The following CACNA1B variants were observed in gnomAD, a reference collection of about 807,000 sequenced individuals.
The protein encoded by CACNA1B is calcium voltage-gated channel subunit alpha1 B, also known as voltage-dependent N-type calcium channel subunit alpha-1B.
A neutral mutation model predicts 247.2 loss-of-function variants in CACNA1B; 70 were observed. That is an observed-to-expected ratio of 0.28 (90% confidence interval 0.23 to 0.35). The LOEUF (loss-of-function observed/expected upper bound fraction) is 0.35, where lower values mean the gene tolerates loss of function less well. CACNA1B is among the 10% of genes least tolerant of loss of function. The probability of loss-of-function intolerance (pLI) is 1.00; values close to 1 mark genes in which losing one functional copy is unlikely to be tolerated. For missense variants in CACNA1B, 2,367 were observed against 3,197.4 expected, an observed-to-expected ratio of 0.74 and a Z score of 6.26; for synonymous variants, 1,231 against 1,294.4, an observed-to-expected ratio of 0.95 and a Z score of 1.05.
rs989345439 is a variant in CACNA1B, at chr9:137,952,089, T to G, written c.967-185T>G. ...AGAACTCTGCCAGCAAGGGCACGTC[T>G]GCCTGTGGGTGCTGCCTGGACTCCA... On this transcript the variant is annotated intron_variant, in intron 6 of 46. Coordinates refer to ENST00000371372, the MANE Select transcript of CACNA1B (RefSeq NM_000718.4). The surrounding 1 kb of genome is among the most constrained non-coding windows in gnomAD (Gnocchi z 4.8). Among the ~76,000 whole-genome samples the G allele has an allele frequency of 6.6e-6, 1 of 152,160 alleles. No homozygotes were observed. Among genetic ancestry groups the G allele is most frequent in the African/African-American group, 2.4e-5 (1 of 41,430 alleles).
At position 137,917,579 on chromosome 9, in the gene CACNA1B, G is replaced by T; in HGVS notation, c.966+148G>T. On this transcript the variant is annotated intron_variant, in intron 6 of 46. Transcript: ENST00000371372. The surrounding 1 kb of genome is among the most constrained non-coding windows in gnomAD (Gnocchi z 5.5). ...CCTGCACCCCTAGGATGAAATGCAG[G>T]CTCTTTCCGGCAGACGCCCCACCCA... is the stretch of plus-strand genomic sequence containing the variant. 1.5e-6 allele frequency: 1 copy of T among 681,880 alleles called. No homozygotes were observed. The allele number at this position is 681,880 out of a possible 1,614,324, so 42.2% of individuals were successfully genotyped here.
intron 35 of CACNA1B, among the ~76,000 whole-genome samples, chr9:138,076,216 CCTCCGGTGAGG>C (rs1407153146): frequency 6.6e-6 from 1 of 152,182 alleles, no homozygotes; most frequent in Non-Finnish European, 1.5e-5. Context: ...AGCTTGGGAG[CCTCCGGTGAGG>C]CTCCAGGCAG....
rs888927651 is a variant in CACNA1B, at chr9:138,057,181, C to G, written c.3969-551C>G. On this transcript the variant is annotated intron_variant, in intron 26 of 46. Coordinates refer to ENST00000371372, the MANE Select transcript of CACNA1B (RefSeq NM_000718.4). The surrounding 1 kb of genome is among the most constrained non-coding windows in gnomAD (Gnocchi z 4.0). ...CTCCATCTCCTGACCTCGTGATCCG[C>G]CCGCCTCGGCCTCCCAAAGTGCTGG... Among the ~76,000 whole-genome samples, 2 of 152,148 alleles carry G rather than the reference C, an allele frequency of 1.3e-5. No homozygotes were observed. Among genetic ancestry groups the G allele is most frequent in the Non-Finnish European group, 2.9e-5 (2 of 68,018 alleles).
At chr9:138,113,924 C>G (rs111715920) in intron 40 of CACNA1B, among the ~76,000 whole-genome samples, 1 of 142,472 alleles carries the variant, frequency 7.0e-6, no homozygotes, top group Non-Finnish European at 1.5e-5. Flanking sequence ...GTGCCCAACT[C>G]CATCTTGTGG....
chr9:137,980,151 G>A (rs1339982034), intron 12 of CACNA1B, among the ~76,000 whole-genome samples: 1 of 152,190 alleles, frequency 6.6e-6, no homozygotes, highest in Non-Finnish European at 1.5e-5. Context: ...GTATTGTCTT[G>A]ATTCTTTCAG....
intron 10 of CACNA1B, among the ~76,000 whole-genome samples, chr9:137,959,272 C>T (rs553424012): frequency 2.0e-5 from 3 of 152,218 alleles, no homozygotes; most frequent in Admixed American, 6.5e-5. Flanking sequence ...AGGGTTTCAC[C>T]GTGTTGGCCT....
Position 137,955,924 on chromosome 9 carries a change from G to A in CACNA1B, c.1186+111G>A. On this transcript the variant is annotated intron_variant, in intron 8 of 46. Transcript: ENST00000371372. The surrounding 1 kb of genome is among the most constrained non-coding windows in gnomAD (Gnocchi z 6.9). ...CCCTGGCTGCTGGGTAGAGCCTGAA[G>A]GGATTTTGTAGTGAGCAGAGTGAGA... 1.3e-6 allele frequency: 1 copy of A among 750,930 alleles called. No individual in the cohort carries two copies. The highest frequency in any genetic ancestry group is 2.3e-6 in the Non-Finnish European group (1 of 431,504). 46.5% of individuals were successfully genotyped at this position (750,930 alleles called of 1,614,324 possible).
chr9:138,091,438 A>G (rs1038751178), intron 36 of CACNA1B, among the ~76,000 whole-genome samples: 3 of 152,234 alleles, frequency 2.0e-5, no homozygotes, highest in African/African-American at 4.8e-5. Context: ...ACAAAAGTAC[A>G]GCTAGACAGG....
At chr9:137,900,584 G>A (rs1405165509) in intron 3 of CACNA1B, among the ~76,000 whole-genome samples, 5 of 148,144 alleles carry the variant, frequency 3.4e-5, no homozygotes, top group Admixed American at 6.7e-5. Flanking sequence ...CTCTGTGTCC[G>A]TGTGTCCATG....
rs1564206351 is a variant in CACNA1B at position 137,955,256 on chromosome 9, C to G, written c.1071-442C>G. ...TTTGCATCTGAACCAACAGAGGAAG[C>G]AAAGTGAACGTTCTCCTCTGGAGAA... On this transcript the variant is annotated intron_variant, in intron 7 of 46. Transcript: ENST00000371372. This position sits in a 1 kb window ranked among gnomAD's most constrained non-coding sequence, Gnocchi z 6.9. 6.6e-6 allele frequency among the ~76,000 whole-genome samples: 1 copy of G among 152,284 alleles called. No homozygotes were observed. The highest frequency in any genetic ancestry group is 1.9e-4 in the East Asian group (1 of 5,164).
intron 3 of CACNA1B, chr9:137,883,136 G>T (rs1474184982): frequency 2.0e-6 from 1 of 497,926 alleles, no homozygotes; most frequent in African/African-American, 1.9e-5. Context: ...GCGCTGGCTT[G>T]CAGAGCGCAC....
At position 137,986,439 on chromosome 9, in the gene CACNA1B, T is replaced by G. The variant is rs755780758; in HGVS notation, c.1796T>G (p.Val599Gly). Residue 599 changes from valine (V) to glycine (G), a missense_variant, in exon 14 of 47, where the codon GTG (valine) becomes GGG (glycine). Physicochemically the swap from Val to Gly is moderately radical, Grantham distance 109. Coordinates refer to ENST00000371372, the MANE Select transcript of CACNA1B (RefSeq NM_000718.4). This position sits in a 1 kb window ranked among gnomAD's most constrained non-coding sequence, Gnocchi z 6.0. ...TACTGGAGCTCCCTGCGGAACCTGGTGGTGTCCCTGCTGAACTCCATGAAG... is the reference window on the plus strand; with the variant it reads ...TACTGGAGCTCCCTGCGGAACCTGGGGGTGTCCCTGCTGAACTCCATGAAG... Reference protein sequence around the residue: ...TKYWSSLRNLVVSLLNSMKSI... With the variant: ...TKYWSSLRNLGVSLLNSMKSI... 1 of 1,613,732 alleles carries G rather than the reference T, an allele frequency of 6.2e-7. No homozygotes were observed. Among genetic ancestry groups the G allele is most frequent in the Non-Finnish European group, 8.5e-7 (1 of 1,179,834 alleles).
In CACNA1B at chr9:137,971,686, G is replaced by GTCCCGTCCC; in HGVS notation, c.1543+94_1543+95insTCCCGTCCC. 6 of 1,049,888 alleles carry GTCCCGTCCC rather than the reference G, an allele frequency of 5.7e-6. No homozygotes were observed. The highest frequency in any genetic ancestry group is 8.5e-6 in the Non-Finnish European group (6 of 708,016). 65.0% of individuals were successfully genotyped at this position (1,049,888 alleles called of 1,614,324 possible). A position where few individuals can be genotyped will look rare whatever the true frequency, so the allele number is the denominator to read the frequency against. ...CATGCCCTGGGGCTACCCCAGGTGG[G>GTCCCGTCCC]ACGGGACCCACCCCCATGTTGCTCA... On this transcript the variant is annotated intron_variant, in intron 11 of 46. Transcript: ENST00000371372. The surrounding 1 kb of genome is among the most constrained non-coding windows in gnomAD (Gnocchi z 4.4).
chr9:137,960,553 G>C (rs1321234169), intron 10 of CACNA1B, among the ~76,000 whole-genome samples: 2 of 149,904 alleles, frequency 1.3e-5, no homozygotes, highest in Non-Finnish European at 3.0e-5. Flanking sequence ...GAGGTCAGGG[G>C]AGAGGTGAGG....
At chr9:137,947,926 A>T (rs1323901685) in intron 6 of CACNA1B, among the ~76,000 whole-genome samples, 7 of 150,196 alleles carry the variant, frequency 4.7e-5, no homozygotes, top group African/African-American at 1.7e-4. Context: ...GAGCTTCTTA[A>T]ATCTGTATGT....
intron 20 of CACNA1B, among the ~76,000 whole-genome samples, chr9:138,028,425 T>TA (rs1564246743): frequency 6.6e-6 from 1 of 152,224 alleles, no homozygotes; most frequent in African/African-American, 2.4e-5. Context: ...TGAAAACTAA[T>TA]AAACAGTCAT....
At chr9:137,997,966 A>G (rs1404180087) in intron 15 of CACNA1B, among the ~76,000 whole-genome samples, 2 of 152,264 alleles carry the variant, frequency 1.3e-5, no homozygotes, top group Non-Finnish European at 2.9e-5. Context: ...AACTAAATGT[A>G]TTTATAGCGT....
rs1554752977 is a variant in CACNA1B, at chr9:138,052,241, T to TGC, written c.3807+54_3807+55insCG. Reference sequence around the variant, plus strand: ...GATGTGCTGTGTGTGTGTGCGTGTGTGTGTGTGCGTGTGTGTGTGTGTATG... The same window carrying TGC: ...GATGTGCTGTGTGTGTGTGCGTGTGTGCGTGTGTGCGTGTGTGTGTGTGTATG... On this transcript the variant is annotated intron_variant, in intron 25 of 46. Coordinates refer to ENST00000371372, the MANE Select transcript of CACNA1B (RefSeq NM_000718.4). This position sits in a 1 kb window ranked among gnomAD's most constrained non-coding sequence, Gnocchi z 5.1. 3.6e-6 allele frequency: 3 copies of TGC among 843,584 alleles called. No individual in the cohort carries two copies. The highest frequency in any genetic ancestry group is 2.8e-5 in the East Asian group (1 of 36,170). The allele number at this position is 843,584 out of a possible 1,614,324, so 52.3% of individuals were successfully genotyped here.
intron 18 of CACNA1B, chr9:138,017,313 G>A: frequency 2.2e-6 from 1 of 455,146 alleles, no homozygotes; most frequent in Admixed American, 2.3e-5. Flanking sequence ...GCTTCATGGG[G>A]CAGCTCCAGG....
Sources: gnomAD v4.1 joint callset for allele counts (sites outside exome capture counted in the v4.1 genomes callset) on GRCh38, gnomAD v4.1.1 for gene constraint, Gnocchi (gnomAD v3.1) non-coding constraint, MANE v1.5 for transcripts, NCBI Gene and HGNC (gene_info 2026-07-23, HGNC 2026-07-21) for gene names.